The following PTPRD variants were observed in gnomAD, a reference collection of about 807,000 sequenced individuals.
PTPRD encodes receptor-type tyrosine-protein phosphatase delta.
Under a neutral mutation model 214.5 loss-of-function variants are expected in PTPRD, and 34 were observed. The ratio of observed to expected loss-of-function variants is 0.16; its 90% CI spans 0.12 to 0.21. PTPRD has a LOEUF of 0.21. PTPRD is among the 10% of genes least tolerant of loss of function. The pLI, the probability that PTPRD is intolerant of heterozygous loss-of-function variation, is 1.00. For synonymous variants in PTPRD, 1,128 were observed against 845.7 expected (o/e 1.33, Z -5.79); for missense variants, 2,545 against 2,398.7 (o/e 1.06, Z -1.27).
chr9:9,975,755 T>C (rs1655911812), intron 4 of PTPRD, among the ~76,000 whole-genome samples: 2 of 152,152 alleles, frequency 1.3e-5, no homozygotes, highest in South Asian at 4.1e-4. Context: ...GGTTCTGGAG[T>C]CAATCTACCT....
At chr9:10,246,456 C>G (rs1250712117) in intron 3 of PTPRD, among the ~76,000 whole-genome samples, 1 of 152,144 alleles carries the variant, frequency 6.6e-6, no homozygotes, top group Non-Finnish European at 1.5e-5. Flanking sequence ...GTTGGCCAGT[C>G]TGCTCTCCAA....
At chr9:9,834,719 C>G (rs1417853050) in intron 5 of PTPRD, among the ~76,000 whole-genome samples, 1 of 151,930 alleles carries the variant, frequency 6.6e-6, no homozygotes, top group Non-Finnish European at 1.5e-5. Context: ...GTACAGCCAC[C>G]TAAGATTTTA....
At chr9:8,709,448 G>A (rs1208576086) in intron 12 of PTPRD, among the ~76,000 whole-genome samples, 1 of 148,498 alleles carries the variant, frequency 6.7e-6, no homozygotes, top group Non-Finnish European at 1.5e-5. Context: ...CCAGGAGGCA[G>A]AGCTTGCAGT....
chr9:9,310,510 T>G (rs766274344), intron 9 of PTPRD, among the ~76,000 whole-genome samples: 3 of 152,192 alleles, frequency 2.0e-5, no homozygotes, highest in Non-Finnish European at 2.9e-5. Flanking sequence ...TCAACAAACC[T>G]GATGTGACAA....
intron 9 of PTPRD, among the ~76,000 whole-genome samples, chr9:9,288,537 A>C (rs935421379): frequency 1.3e-5 from 2 of 151,914 alleles, no homozygotes; most frequent in Non-Finnish European, 2.9e-5. Context: ...AAAAATATTT[A>C]AAAACAGAAA....
intron 5 of PTPRD, among the ~76,000 whole-genome samples, chr9:9,880,612 T>C (rs2068360801): frequency 6.6e-6 from 1 of 152,134 alleles, no homozygotes; most frequent in Non-Finnish European, 1.5e-5. Context: ...GAGAATTTAA[T>C]TTGTTTCTTT....
intron 2 of PTPRD, among the ~76,000 whole-genome samples, chr9:10,419,592 T>C (rs1026720301): frequency 6.6e-6 from 1 of 151,870 alleles, no homozygotes; most frequent in Non-Finnish European, 1.5e-5. Context: ...TTAAGATATA[T>C]TATTAATAAT....
chr9:8,562,590 C>T (rs958098543), intron 14 of PTPRD, among the ~76,000 whole-genome samples: 2 of 152,042 alleles, frequency 1.3e-5, no homozygotes, highest in Non-Finnish European at 2.9e-5. Context: ...ACATGTGCTG[C>T]CACGCCTGGC....
intron 5 of PTPRD, among the ~76,000 whole-genome samples, chr9:9,801,277 A>T (rs1354503727): frequency 1.3e-5 from 2 of 152,202 alleles, no homozygotes; most frequent in Non-Finnish European, 2.9e-5. Context: ...TAAAGCTACT[A>T]GCTTTAAGCT....
At chr9:8,359,126 A>C (rs1341604344) in intron 39 of PTPRD, among the ~76,000 whole-genome samples, 6 of 123,296 alleles carry the variant, frequency 4.9e-5, no homozygotes, top group Non-Finnish European at 7.6e-5. Flanking sequence ...AAAAAAACAA[A>C]AAAAAAAAAA....
chr9:9,430,708 C>T (rs1236520265), intron 8 of PTPRD, among the ~76,000 whole-genome samples: 2 of 152,002 alleles, frequency 1.3e-5, no homozygotes, highest in Non-Finnish European at 2.9e-5. Context: ...AAGAGAGATA[C>T]AGACCAATGG....
chr9:10,482,950 T>G (rs1300729460), intron 2 of PTPRD, among the ~76,000 whole-genome samples: 1 of 152,122 alleles, frequency 6.6e-6, no homozygotes, highest in African/African-American at 2.4e-5. Flanking sequence ...GAAATTCATA[T>G]GGAACCAAAA....
At chr9:9,096,615 T>A (rs928467332) in intron 10 of PTPRD, among the ~76,000 whole-genome samples, 1 of 152,220 alleles carries the variant, frequency 6.6e-6, no homozygotes, top group Non-Finnish European at 1.5e-5. Context: ...ATTTCAAGGT[T>A]ACATAGAGAT....
chr9:9,427,518 A>T (rs1029964246), intron 8 of PTPRD, among the ~76,000 whole-genome samples: 1 of 143,978 alleles, frequency 6.9e-6, no homozygotes, highest in African/African-American at 2.7e-5. Context: ...AACTTACCCA[A>T]CCTAGCAAGG....
chr9:9,134,266 G>T (rs1196043716), intron 10 of PTPRD, among the ~76,000 whole-genome samples: 1 of 140,966 alleles, frequency 7.1e-6, no homozygotes, highest in East Asian at 2.1e-4. Flanking sequence ...GTAGAGACGA[G>T]GTTTCACCTT....
At chr9:10,456,545 T>C (rs781407381) in intron 2 of PTPRD, among the ~76,000 whole-genome samples, 3 of 151,916 alleles carry the variant, frequency 2.0e-5, no homozygotes, top group Non-Finnish European at 4.4e-5. Context: ...TAGTTTTCAT[T>C]AACAAATGTT....
chr9:9,935,410 C>G (rs1021983377), intron 5 of PTPRD, among the ~76,000 whole-genome samples: 1 of 152,012 alleles, frequency 6.6e-6, no homozygotes, highest in African/African-American at 2.4e-5. Flanking sequence ...ACAAAAATCA[C>G]AAGCATTCTT....
intron 3 of PTPRD, among the ~76,000 whole-genome samples, chr9:10,112,431 A>T (rs1395469200): frequency 4.0e-5 from 6 of 149,750 alleles, no homozygotes; most frequent in South Asian, 2.1e-4. Flanking sequence ...ACAATTATCT[A>T]TTTTTTTTTT....
intron 10 of PTPRD, among the ~76,000 whole-genome samples, chr9:9,162,862 C>G (rs920661250): frequency 6.6e-6 from 1 of 152,060 alleles, no homozygotes; most frequent in Non-Finnish European, 1.5e-5. Flanking sequence ...TGCTTTCACA[C>G]AGGTTATCCA....
Sources: gnomAD v4.1 joint callset for allele counts (sites outside exome capture counted in the v4.1 genomes callset) on GRCh38, gnomAD v4.1.1 for gene constraint, MANE v1.5 for transcripts, NCBI Gene and HGNC (gene_info 2026-07-23, HGNC 2026-07-21) for gene names.